The following SEPTIN7 variants were observed in gnomAD, a reference collection of about 807,000 sequenced individuals.
SEPTIN7 encodes septin-7.
In SEPTIN7, 10 loss-of-function variants were observed where a neutral mutation model predicts 63.3. The ratio of observed to expected loss-of-function variants is 0.16; its 90% confidence interval spans 0.10 to 0.27. The LOEUF is 0.27. SEPTIN7 is among the 10% of genes least tolerant of loss of function. The pLI, the probability that SEPTIN7 is intolerant of heterozygous loss-of-function variation, is 1.00. For missense variants in SEPTIN7, 310 were observed against 521.0 expected (o/e 0.59, Z 3.94); for synonymous variants, 131 against 165.3 (o/e 0.79, Z 1.59).
At chr7:35,826,247 G>T (rs1452758716) in intron 1 of SEPTIN7, among the ~76,000 whole-genome samples, 1 of 151,876 alleles carries the variant, frequency 6.6e-6, no homozygotes, top group African/African-American at 2.4e-5. Flanking sequence ...GCTTTTGTTA[G>T]GAATACTAAG....
At chr7:35,877,576 A>C (rs1486611739) in intron 6 of SEPTIN7, among the ~76,000 whole-genome samples, 1 of 152,236 alleles carries the variant, frequency 6.6e-6, no homozygotes, top group Non-Finnish European at 1.5e-5. Flanking sequence ...AAAGTTAAAG[A>C]ATACCACTTT....
chr7:35,831,051 A>AT (rs1015147449), intron 1 of SEPTIN7, among the ~76,000 whole-genome samples: 3 of 151,930 alleles, frequency 2.0e-5, no homozygotes, highest in Non-Finnish European at 2.9e-5. Context: ...TGAAATTTAC[A>AT]TTTTTTTTCT....
At chr7:35,860,881 C>T (rs1785466820) in intron 3 of SEPTIN7, among the ~76,000 whole-genome samples, 1 of 152,184 alleles carries the variant, frequency 6.6e-6, no homozygotes, top group African/African-American at 2.4e-5. Flanking sequence ...TCATCAGTTA[C>T]ATCACCTTTG....
At position 35,906,456 on chromosome 7, in the gene SEPTIN7, A is replaced by G. The variant is rs925230726; in HGVS notation, c.*2163A>G. 6.6e-6 allele frequency: 1 copy of G among 152,244 alleles called. No individual in the cohort carries two copies. Among genetic ancestry groups the G allele is most frequent in the Non-Finnish European group, 1.5e-5 (1 of 68,044 alleles). The allele number at this position is 152,244 out of a possible 1,614,324, so 9.4% of individuals were successfully genotyped here. A position where few individuals can be genotyped will look rare whatever the true frequency, so the allele number is the denominator to read the frequency against. ...ATGTAAAATTCAGGTAGGCCTAAGGAAAGGCCAGCCTGTAGAAAGCAAAAT... is the reference window on the plus strand; with the variant it reads ...ATGTAAAATTCAGGTAGGCCTAAGGGAAGGCCAGCCTGTAGAAAGCAAAAT... On this transcript the variant is annotated 3_prime_UTR_variant, in exon 14 of 14. Transcript: ENST00000350320.
chr7:35,867,837 C>T lies in SEPTIN7; in HGVS notation c.276+4179C>T, dbSNP rs149226912. On this transcript the variant is annotated intron_variant, in intron 4 of 13. Coordinates refer to ENST00000350320, the MANE Select transcript of SEPTIN7 (RefSeq NM_001788.6). ...AAGTTCTTAGTTGGAAACTACGCTG[C>T]TCCCCTTTGAAACATTTTATTGGTC... Among the ~76,000 whole-genome samples, 589 of 151,204 alleles carry T rather than the reference C, an allele frequency of 3.9e-3. 3 individuals are homozygous for T. Among genetic ancestry groups the T allele is most frequent in the Non-Finnish European group, 3.9e-3 (265 of 67,812 alleles).
intron 6 of SEPTIN7, among the ~76,000 whole-genome samples, chr7:35,875,231 A>T (rs1007011833): frequency 1.3e-5 from 2 of 152,176 alleles, no homozygotes; most frequent in African/African-American, 4.8e-5. Flanking sequence ...CTTATTTGTC[A>T]CAAGGGGTAA....
intron 1 of SEPTIN7, among the ~76,000 whole-genome samples, chr7:35,820,012 TCTCA>T (rs1789318545): frequency 1.3e-5 from 2 of 151,908 alleles, no homozygotes; most frequent in Admixed American, 6.6e-5. Flanking sequence ...AGGGTCTCAC[TCTCA>T]CTCAGGCTGG....
In SEPTIN7 at chr7:35,892,122, G is replaced by C. The variant is rs114170571; in HGVS notation, c.998+1329G>C. 2.4e-3 allele frequency among the ~76,000 whole-genome samples: 372 copies of C among 152,266 alleles called. 2 individuals are homozygous for C. The highest frequency in any genetic ancestry group is 8.5e-3 in the African/African-American group (355 of 41,562). On this transcript the variant is annotated intron_variant, in intron 11 of 13. Transcript: ENST00000350320. ...ATATTGCAAAACCATTTTAAATAAT[G>C]TGCATTTGTAGCTAGGTGTTATCTA...
At chr7:35,882,445 T>C (rs374708311) in intron 7 of SEPTIN7, 39 bp from the exon 8 acceptor site, 14 of 1,384,210 alleles carry the variant, frequency 1.0e-5, no homozygotes, top group Non-Finnish European at 1.3e-5. Flanking sequence ...ATACTAATTA[T>C]GTATGGTGCT....
At chr7:35,819,525 T>C (rs1789281567) in intron 1 of SEPTIN7, among the ~76,000 whole-genome samples, 1 of 152,182 alleles carries the variant, frequency 6.6e-6, no homozygotes, top group South Asian at 2.1e-4. Flanking sequence ...TTACCCGTTA[T>C]TGAAAGTAGG....
At chr7:35,832,006 T>C (rs901224961) in intron 2 of SEPTIN7, 10 of 420,086 alleles carry the variant, frequency 2.4e-5, no homozygotes, top group African/African-American at 1.7e-4. Context: ...CAAATAGTCT[T>C]AACTACGGAC....
At position 35,863,612 on chromosome 7, in the gene SEPTIN7, C is replaced by T. The variant is rs770217624; in HGVS notation, c.230C>T (p.Ser77Phe). 1.3e-5 allele frequency: 20 copies of T among 1,588,736 alleles called. No individual in the cohort carries two copies. The highest frequency in any genetic ancestry group is 1.6e-5 in the Non-Finnish European group (19 of 1,173,506). Reference sequence around the variant, plus strand: ...TCATTATTCCTCACAGATTTGTATTCTCCAGAGTATCCAGGTCCTTCTCAT... The same window carrying T: ...TCATTATTCCTCACAGATTTGTATTTTCCAGAGTATCCAGGTCCTTCTCAT... The part of the protein sequence containing the change: ...INSLFLTDLY[S>F]PEYPGPSHRI... Residue 77 changes from serine (S) to phenylalanine (F), a missense_variant, in exon 4 of 14, where the codon TCT (serine) becomes TTT (phenylalanine). By Grantham distance (155) the Ser-to-Phe change is radical. Coordinates refer to ENST00000350320, the MANE Select transcript of SEPTIN7 (RefSeq NM_001788.6).
intron 6 of SEPTIN7, among the ~76,000 whole-genome samples, chr7:35,878,249 G>T (rs1467667267): frequency 6.6e-6 from 1 of 152,048 alleles, no homozygotes; most frequent in African/African-American, 2.4e-5. Flanking sequence ...TGTCCTAAAG[G>T]ATGAATAGGA....
intron 7 of SEPTIN7, among the ~76,000 whole-genome samples, chr7:35,882,065 T>G (rs1786912633): frequency 6.6e-6 from 1 of 151,950 alleles, no homozygotes; most frequent in Non-Finnish European, 1.5e-5. Flanking sequence ...CTACTAAAAA[T>G]TTTACGTGAG....
Position 35,890,803 on chromosome 7 carries a change from T to G in SEPTIN7, c.998+10T>G. 6.6e-7 allele frequency: 1 copy of G among 1,521,216 alleles called. No homozygotes were observed. Among genetic ancestry groups the G allele is most frequent in the Non-Finnish European group, 8.8e-7 (1 of 1,142,736 alleles). The allele number at this position is 1,521,216 out of a possible 1,614,324, so 94.2% of individuals were successfully genotyped here. A position where few individuals can be genotyped will look rare whatever the true frequency, so the allele number is the denominator to read the frequency against. On this transcript the variant is annotated intron_variant, in intron 11 of 13. Transcript: ENST00000350320. ...AAGGGCAGCTGACTAAGTAAGTATATATTTTTTTCTCCAAAAAGGTATTAT... is the reference window on the plus strand; with the variant it reads ...AAGGGCAGCTGACTAAGTAAGTATAGATTTTTTTCTCCAAAAAGGTATTAT...
downstream of SEPTIN7, among the ~76,000 whole-genome samples, chr7:35,911,267 A>G (rs1200788789): frequency 6.6e-6 from 1 of 152,206 alleles, no homozygotes; most frequent in Non-Finnish European, 1.5e-5. Context: ...CACAGGGAAC[A>G]ATTATACTTA....
intron 10 of SEPTIN7, chr7:35,888,823 C>CA (rs70974780): frequency 0.52 from 97,202 of 186,918 alleles, 30,791 homozygotes; most frequent in East Asian, 0.58. Context: ...GACCCTGTAT[C>CA]AAAAAAAAAA....
chr7:35,818,124 G>A (rs1340946527), intron 1 of SEPTIN7, among the ~76,000 whole-genome samples: 1 of 151,962 alleles, frequency 6.6e-6, no homozygotes, highest in Non-Finnish European at 1.5e-5. Context: ...TTTCTGAGAT[G>A]TTCTTTATGA....
the SEPTIN7 span, among the ~76,000 whole-genome samples, chr7:35,914,877 C>A: frequency 6.6e-6 from 1 of 151,350 alleles, no homozygotes; most frequent in Non-Finnish European, 1.5e-5. Flanking sequence ...GATATGTGTA[C>A]ATAGATATGT....
Sources: allele counts gnomAD v4.1 joint callset (sites outside exome capture counted in the v4.1 genomes callset), GRCh38; gene constraint gnomAD v4.1.1; transcripts MANE v1.5; gene names NCBI Gene and HGNC (gene_info 2026-07-23, HGNC 2026-07-21).